C13orf46: variants seen among roughly 807,000 people sequenced by gnomAD.
C13orf46 encodes the protein uncharacterized protein C13orf46.
At chr13:113,952,051 C>T (rs1051171498), downstream of C13orf46, among the ~76,000 whole-genome samples, 4 of 152,214 alleles carry the variant, frequency 2.6e-5, no homozygotes, top group East Asian at 1.9e-4. Context: ...ACGATTGTTC[C>T]GACAGCCCCC....
the C13orf46 span, among the ~76,000 whole-genome samples, chr13:113,930,441 G>A: frequency 1.3e-5 from 2 of 152,066 alleles, no homozygotes; most frequent in African/African-American, 2.4e-5. Flanking sequence ...CGGGAGCACT[G>A]AGGCTGAGCT....
intron 5 of C13orf46, among the ~76,000 whole-genome samples, chr13:113,967,101 T>A (rs932065489): frequency 8.9e-4 from 136 of 152,300 alleles, no homozygotes; most frequent in African/African-American, 3.2e-3. Context: ...CCCCAGAGTC[T>A]CTGATAGTGC....
In C13orf46 at chr13:113,963,265, GCCCTGTCCTCAGCCTCGGC is replaced by G. The variant is rs2052603383; in HGVS notation, c.572+1643_572+1661del. 3.1e-5 allele frequency among the ~76,000 whole-genome samples: 3 copies of G among 97,092 alleles called. 1 individual carries two copies. Among genetic ancestry groups the G allele is most frequent in the Admixed American group, 2.3e-4 (2 of 8,882 alleles). The allele number at this position is 97,092 out of a possible 152,430, so 63.7% of individuals were successfully genotyped here. A position where few individuals can be genotyped will look rare whatever the true frequency, so the allele number is the denominator to read the frequency against. ...AGCCTCGCCCCTGTCCTCAGCCTCG[GCCCTGTCCTCAGCCTCGGC>G]CCCTGTCCTCAGCTTCACCCCTGTC... On this transcript the variant is annotated intron_variant, in intron 6 of 6. Transcript: ENST00000636427.
intron 6 of C13orf46, among the ~76,000 whole-genome samples, chr13:113,962,666 G>A (rs1343674663): frequency 2.0e-5 from 3 of 152,132 alleles, no homozygotes; most frequent in African/African-American, 4.8e-5. Flanking sequence ...CCCACTGCAC[G>A]CCACCAGCAG....
the C13orf46 span, among the ~76,000 whole-genome samples, chr13:113,941,907 T>C: frequency 1.3e-5 from 2 of 152,342 alleles, no homozygotes; most frequent in South Asian, 4.1e-4. Flanking sequence ...CCTTAGCACT[T>C]TACCTCCAAA....
the C13orf46 span, among the ~76,000 whole-genome samples, chr13:113,936,896 G>A: frequency 3.3e-5 from 5 of 152,126 alleles, no homozygotes; most frequent in African/African-American, 9.7e-5. Flanking sequence ...CGTTATCTGC[G>A]GGAGTAGTTG....
chr13:113,954,079 G>C lies in C13orf46; in HGVS notation c.*2694C>G, dbSNP rs1466492012. On this transcript the variant is annotated 3_prime_UTR_variant, in exon 7 of 7. Coordinates refer to ENST00000636427, the MANE Select transcript of C13orf46 (RefSeq NM_001365455.2). ...AACTACCCAGTGGGACAAGCTCTGCGTGGCATGCGGCTCCCTGAAAAGGGC... is the reference window on the plus strand; with the variant it reads ...AACTACCCAGTGGGACAAGCTCTGCCTGGCATGCGGCTCCCTGAAAAGGGC... 2 of 152,262 alleles carry C rather than the reference G, an allele frequency of 1.3e-5. No homozygotes were observed. Among genetic ancestry groups the C allele is most frequent in the Non-Finnish European group, 2.9e-5 (2 of 68,070 alleles). 9.4% of individuals were successfully genotyped at this position (152,262 alleles called of 1,614,324 possible).
chr13:113,926,864 C>A, the C13orf46 span: 1 of 152,362 alleles, frequency 6.6e-6, no homozygotes. Flanking sequence ...AAGCCACCTA[C>A]CTCCCACGTC....
At chr13:113,963,180 A>ATCCTCAGCCTCAGCCCG (rs1271892151) in intron 6 of C13orf46, among the ~76,000 whole-genome samples, 1 of 146,334 alleles carries the variant, frequency 6.8e-6, no homozygotes, top group Non-Finnish European at 1.5e-5. Flanking sequence ...CCTCCCCGCT[A>ATCCTCAGCCTCAGCCCG]TCCTCAGCCT....
chr13:113,946,640 G>C, the C13orf46 span, among the ~76,000 whole-genome samples: 1 of 152,262 alleles, frequency 6.6e-6, no homozygotes, highest in Admixed American at 6.5e-5. Flanking sequence ...GGTGGGAGCA[G>C]AACGGGGCCG....
At chr13:113,928,907 G>C in the C13orf46 span, 1 of 152,508 alleles carries the variant, frequency 6.6e-6, no homozygotes, top group African/African-American at 2.4e-5. Flanking sequence ...GGAGAAGGCT[G>C]TGAGCTTGGC....
chr13:113,973,024 C>T (rs753532153), intron 1 of C13orf46, among the ~76,000 whole-genome samples: 2 of 152,194 alleles, frequency 1.3e-5, no homozygotes, highest in South Asian at 2.1e-4. Context: ...CACAGGGCAG[C>T]GGGAGGCAGG....
chr13:113,972,278 G>T (rs1348455937), intron 1 of C13orf46, among the ~76,000 whole-genome samples: 3 of 152,202 alleles, frequency 2.0e-5, no homozygotes, highest in African/African-American at 4.8e-5. Context: ...GGAACCCCGT[G>T]GGGAGGGAGG....
chr13:113,934,916 G>C, the C13orf46 span, among the ~76,000 whole-genome samples: 2 of 152,242 alleles, frequency 1.3e-5, no homozygotes, highest in African/African-American at 4.8e-5. Context: ...TCTGGGAAGG[G>C]GCTGTCCTTG....
At chr13:113,932,889 G>C in the C13orf46 span, among the ~76,000 whole-genome samples, 1 of 151,684 alleles carries the variant, frequency 6.6e-6, no homozygotes, top group East Asian at 1.9e-4. Flanking sequence ...TTTTGAGATG[G>C]AGTCTCGCTC....
chr13:113,957,818 T>C (rs1486490850), intron 6 of C13orf46, among the ~76,000 whole-genome samples: 1 of 59,232 alleles, frequency 1.7e-5, no homozygotes, highest in Non-Finnish European at 3.3e-5. Flanking sequence ...AGCACACTGG[T>C]GGGTCTCCCC....
the C13orf46 span, chr13:113,927,916 G>A: frequency 1.1e-4 from 32 of 297,696 alleles, no homozygotes; most frequent in African/African-American, 6.4e-5. Flanking sequence ...CCCAGGCGAC[G>A]TGAGGGGTGC....
At chr13:113,952,119 C>T (rs2052491383), downstream of C13orf46, among the ~76,000 whole-genome samples, 2 of 152,246 alleles carry the variant, frequency 1.3e-5, no homozygotes, top group Admixed American at 6.5e-5. Flanking sequence ...GCAGTGAAAA[C>T]ACACAGAACA....
intron 6 of C13orf46, among the ~76,000 whole-genome samples, chr13:113,963,159 CCT>C (rs1323164219): frequency 5.3e-5 from 8 of 151,936 alleles, no homozygotes; most frequent in East Asian, 3.9e-4. Context: ...AGCTGCAGCC[CCT>C]GTCCTCAGCC....
Sources: allele counts gnomAD v4.1 joint callset (sites outside exome capture counted in the v4.1 genomes callset), GRCh38; gene constraint gnomAD v4.1.1; transcripts MANE v1.5; gene names NCBI Gene and HGNC (gene_info 2026-07-23, HGNC 2026-07-21).